Variants in STAM observed in about 807,000 individuals in gnomAD.
STAM encodes the protein signal transducing adapter molecule 1.
In STAM, 16 loss-of-function variants were observed where a neutral mutation model predicts 63.4. The observed-to-expected ratio is 0.25, with a 90% confidence interval of 0.17 to 0.38. STAM has a LOEUF of 0.38. STAM is among the 10% of genes least tolerant of loss of function. The pLI, the probability that STAM is intolerant of heterozygous loss-of-function variation, is 1.00. For missense variants in STAM, 636 were observed against 657.1 expected (o/e 0.97, Z 0.35); for synonymous variants, 238 against 223.9 (o/e 1.06, Z -0.56).
intron 2 of STAM, among the ~76,000 whole-genome samples, chr10:17,682,997 G>T (rs934717733): frequency 6.6e-6 from 1 of 152,096 alleles, no homozygotes; most frequent in African/African-American, 2.4e-5. Context: ...CTTTATCCCT[G>T]TTAGTATTCC....
intron 13 of STAM, among the ~76,000 whole-genome samples, chr10:17,713,419 C>A (rs529042353): frequency 5.3e-5 from 8 of 150,946 alleles, no homozygotes; most frequent in South Asian, 4.1e-4. Context: ...GCTTGAATAG[C>A]TGACTGCCTA....
intron 2 of STAM, among the ~76,000 whole-genome samples, chr10:17,676,736 A>G (rs1156261071): frequency 1.3e-5 from 2 of 152,178 alleles, no homozygotes; most frequent in African/African-American, 4.8e-5. Flanking sequence ...ATAGAGAATG[A>G]ATTATATAGA....
intron 9 of STAM, among the ~76,000 whole-genome samples, chr10:17,702,038 A>G (rs1340741665): frequency 2.0e-5 from 3 of 152,174 alleles, no homozygotes; most frequent in African/African-American, 7.2e-5. Context: ...AAAGAACTTA[A>G]TGAAATTGCT....
chr10:17,704,627 A>ACTT, intron 10 of STAM, 109 bp downstream of exon 10: 1 of 951,712 alleles, frequency 1.1e-6, no homozygotes, highest in Non-Finnish European at 1.6e-6. Context: ...AACATTTCTC[A>ACTT]CTTCTCCTTG....
chr10:17,705,492 A>T (rs1836219706), intron 11 of STAM, 96 bp from the exon 12 acceptor site: 1 of 1,372,004 alleles, frequency 7.3e-7, no homozygotes, highest in Non-Finnish European at 9.9e-7. Context: ...TACTAGTACT[A>T]CTTTTTGCCA....
chr10:17,669,884 C>CTTTTTTTTTTTTTTT (rs76381388), intron 2 of STAM, among the ~76,000 whole-genome samples: 43 of 120,768 alleles, frequency 3.6e-4, no homozygotes, highest in Non-Finnish European at 4.2e-4. Flanking sequence ...CTTTTCTTTT[C>CTTTTTTTTTTTTTTT]TTTTTTTTTT....
At chr10:17,704,878 C>T in intron 10 of STAM, 92 bp from the exon 11 acceptor site, 1 of 1,104,258 alleles carries the variant, frequency 9.1e-7, no homozygotes, top group Non-Finnish European at 1.3e-6. Flanking sequence ...CAAATTAAAT[C>T]TTTTATTCCT....
intron 2 of STAM, among the ~76,000 whole-genome samples, chr10:17,684,066 C>G (rs1835193809): frequency 6.6e-6 from 1 of 152,224 alleles, no homozygotes; most frequent in Non-Finnish European, 1.5e-5. Flanking sequence ...GGCCTCATCT[C>G]TGACGACTGT....
chr10:17,713,788 G>A (rs1554830341), intron 13 of STAM, among the ~76,000 whole-genome samples: 1 of 151,970 alleles, frequency 6.6e-6, no homozygotes, highest in Non-Finnish European at 1.5e-5. Flanking sequence ...GAGGGAGCCC[G>A]TTAAACCCTG....
Position 17,682,184 on chromosome 10 carries a change from T to G in STAM, c.126-2491T>G, listed in dbSNP as rs375091489. Among the ~76,000 whole-genome samples the G allele has an allele frequency of 3.3e-5, 5 of 152,344 alleles. No individual in the cohort carries two copies. The East Asian group carries it at 7.7e-4, about 23-fold the overall frequency. ...CACCTTATGCAAGTACTAATATGCA[T>G]TGTCACTATAGATTAAATTTCCTTT... On this transcript the variant is annotated intron_variant, in intron 2 of 13. Transcript: ENST00000377524.
At chr10:17,709,860 G>A (rs1836476838) in intron 13 of STAM, among the ~76,000 whole-genome samples, 1 of 148,942 alleles carries the variant, frequency 6.7e-6, no homozygotes, top group Non-Finnish European at 1.5e-5. Flanking sequence ...ATCCCGAAGT[G>A]ACCTTAAGGG....
At chr10:17,694,915 T>A in intron 6 of STAM, 134 bp from the exon 7 acceptor site, 1 of 693,308 alleles carries the variant, frequency 1.4e-6, no homozygotes, top group Non-Finnish European at 2.2e-6. Context: ...TTTTGTTCAA[T>A]GTATCAGGAT....
At chr10:17,682,605 G>T (rs1485193833) in intron 2 of STAM, among the ~76,000 whole-genome samples, 1 of 152,194 alleles carries the variant, frequency 6.6e-6, no homozygotes, top group African/African-American at 2.4e-5. Flanking sequence ...TATGGTCAAA[G>T]AATGTACTTT....
chr10:17,714,851 C>CTT lies in STAM; in HGVS notation c.*72_*73dup. On this transcript the variant is annotated 3_prime_UTR_variant, in exon 14 of 14. Coordinates refer to ENST00000377524, the MANE Select transcript of STAM (RefSeq NM_003473.4). ...ACAATGTTATGAGATTCATTACTATCTTAAGATGTGTTTATCCTCAGCTTA... is the reference window on the plus strand; with the variant it reads ...ACAATGTTATGAGATTCATTACTATCTTTTAAGATGTGTTTATCCTCAGCTTA... The CTT allele has an allele frequency of 7.3e-7, 1 of 1,369,614 alleles. No individual in the cohort carries two copies. The highest frequency in any genetic ancestry group is 1.0e-6 in the Non-Finnish European group (1 of 960,022). The allele number at this position is 1,369,614 out of a possible 1,614,324, so 84.8% of individuals were successfully genotyped here.
intron 1 of STAM, among the ~76,000 whole-genome samples, chr10:17,648,509 C>G (rs557693815): frequency 6.6e-5 from 10 of 152,216 alleles, no homozygotes; most frequent in Non-Finnish European, 1.5e-4. Flanking sequence ...CTTGGTGCTG[C>G]TCACTCTTTG....
intron 1 of STAM, among the ~76,000 whole-genome samples, chr10:17,659,463 C>CTTT (rs1223509007): frequency 0.027 from 2,947 of 107,432 alleles, 65 homozygotes; most frequent in African/African-American, 0.041. Flanking sequence ...TTCTCTTCCT[C>CTTT]TTTTTTTTTT....
Position 17,714,588 on chromosome 10 carries a change from G to A in STAM, c.1431G>A (p.Ala477=), listed in dbSNP as rs1836720160. ...SVQGNTYPSQ[A]PVYSPPPAAT... ...AAGGAAACACATATCCCAGCCAGGC[G>A]CCAGTATATAGTCCTCCTCCTGCCG... Residue 477 remains alanine (A), a synonymous_variant, in exon 14 of 14, where the codon GCG becomes GCA. Coordinates refer to ENST00000377524, the MANE Select transcript of STAM (RefSeq NM_003473.4). 1 of 1,614,092 alleles carries A rather than the reference G, an allele frequency of 6.2e-7. No homozygotes were observed. The highest frequency in any genetic ancestry group is 1.3e-5 in the African/African-American group (1 of 74,988).
At chr10:17,707,061 C>T (rs1554829356) in intron 12 of STAM, among the ~76,000 whole-genome samples, 1 of 150,604 alleles carries the variant, frequency 6.6e-6, no homozygotes, top group African/African-American at 2.4e-5. Flanking sequence ...GCAACTATTT[C>T]AAGGACCCCC....
At chr10:17,697,075 A>G (rs1347124889) in intron 8 of STAM, among the ~76,000 whole-genome samples, 1 of 151,952 alleles carries the variant, frequency 6.6e-6, no homozygotes, top group African/African-American at 2.4e-5. Context: ...ACCCGCCGCC[A>G]TGTCCAGCTG....
Sources: gnomAD v4.1 joint callset for allele counts (sites outside exome capture counted in the v4.1 genomes callset) on GRCh38, gnomAD v4.1.1 for gene constraint, MANE v1.5 for transcripts, NCBI Gene and HGNC (gene_info 2026-07-23, HGNC 2026-07-21) for gene names.